Variants in MBNL2 observed in about 807,000 individuals in gnomAD.
MBNL2 encodes the protein muscleblind like splicing regulator 2, also known as muscleblind-like protein 2.
MBNL2 carries 17 observed loss-of-function variants against 41.9 expected under a neutral mutation model. The ratio of observed to expected loss-of-function variants is 0.41; its 90% CI spans 0.28 to 0.61. The LOEUF (loss-of-function observed/expected upper bound fraction) is 0.61. Among genes scored for constraint, MBNL2 ranks in the 20% least tolerant of loss-of-function variants. MBNL2 has a pLI of 0.35. For missense variants in MBNL2, 336 were observed against 505.6 expected (o/e 0.66, Z 3.22); for synonymous variants, 195 against 182.9 (o/e 1.07, Z -0.53).
chr13:97,256,396 G>A (rs1208456268), intron 1 of MBNL2, among the ~76,000 whole-genome samples: 1 of 151,770 alleles, frequency 6.6e-6, no homozygotes, highest in African/African-American at 2.4e-5. Flanking sequence ...GAAGCTGGGT[G>A]GAACCTTGGA....
intron 3 of MBNL2, among the ~76,000 whole-genome samples, chr13:97,336,281 T>TA (rs1346230300): frequency 6.6e-6 from 1 of 152,108 alleles, no homozygotes; most frequent in Non-Finnish European, 1.5e-5. Flanking sequence ...GTGACATGTT[T>TA]AAAAATTACC....
chr13:97,283,721 T>C (rs2053873823), intron 2 of MBNL2, among the ~76,000 whole-genome samples: 1 of 152,174 alleles, frequency 6.6e-6, no homozygotes, highest in East Asian at 1.9e-4. Flanking sequence ...CTGAGGATCA[T>C]TAAAAAAATC....
chr13:97,249,231 G>A (rs1407976421), intron 1 of MBNL2, among the ~76,000 whole-genome samples: 1 of 152,168 alleles, frequency 6.6e-6, no homozygotes, highest in African/African-American at 2.4e-5. Context: ...CAACTTGCTT[G>A]CATTTTAAGA....
At position 97,373,465 on chromosome 13, in the gene MBNL2, T is replaced by TA. The variant is rs550244280; in HGVS notation, c.1048+8307dup. Among the ~76,000 whole-genome samples, 481 of 140,502 alleles carry TA rather than the reference T, an allele frequency of 3.4e-3. 3 individuals are homozygous for TA. The highest frequency in any genetic ancestry group is 0.012 in the East Asian group (61 of 4,950). The allele number at this position is 140,502 out of a possible 152,430, so 92.2% of individuals were successfully genotyped here. A position where few individuals can be genotyped will look rare whatever the true frequency, so the allele number is the denominator to read the frequency against. ...TTGAAACCTGCACAATTTCTTTGTG[T>TA]AAAAAAAAAAAAACTATAAAAATTG... On this transcript the variant is annotated intron_variant, in intron 8 of 8. Transcript: ENST00000679496.
chr13:97,225,303 C>T (rs978431158), intron 1 of MBNL2, among the ~76,000 whole-genome samples: 6 of 152,114 alleles, frequency 3.9e-5, no homozygotes, highest in African/African-American at 1.4e-4. Flanking sequence ...TGCATTTTCT[C>T]TTCCTTTTTT....
chr13:97,355,021 A>T (rs1215752322), intron 5 of MBNL2, among the ~76,000 whole-genome samples: 1 of 152,232 alleles, frequency 6.6e-6, no homozygotes, highest in Non-Finnish European at 1.5e-5. Context: ...CTACTTAACA[A>T]TGCAAAGCTG....
chr13:97,194,541 G>A, the MBNL2 span, among the ~76,000 whole-genome samples: 1 of 152,158 alleles, frequency 6.6e-6, no homozygotes, highest in Non-Finnish European at 1.5e-5. Context: ...TCTTGAATAA[G>A]GGCAGGGTAA....
intron 1 of MBNL2, among the ~76,000 whole-genome samples, chr13:97,260,599 G>A (rs1411140863): frequency 6.6e-6 from 1 of 152,218 alleles, no homozygotes; most frequent in Non-Finnish European, 1.5e-5. Flanking sequence ...TAGGAATGTG[G>A]ATCCAGAGGC....
At chr13:97,259,530 A>T (rs376495134) in intron 1 of MBNL2, among the ~76,000 whole-genome samples, 1 of 152,102 alleles carries the variant, frequency 6.6e-6, no homozygotes, top group African/African-American at 2.4e-5. Context: ...GGCTCCATGC[A>T]TGTCCCCCTT....
chr13:97,236,383 G>A (rs1275211355), intron 1 of MBNL2, among the ~76,000 whole-genome samples: 1 of 152,032 alleles, frequency 6.6e-6, no homozygotes, highest in Non-Finnish European at 1.5e-5. Context: ...TGGGGTTGGG[G>A]GTGGTATCTG....
intron 2 of MBNL2, among the ~76,000 whole-genome samples, chr13:97,328,704 G>A (rs9582126): frequency 0.17 from 25,967 of 152,178 alleles, 4,684 homozygotes; most frequent in African/African-American, 0.46. Flanking sequence ...ATTGTAGATC[G>A]TAGAAATCCA....
chr13:97,328,545 G>T (rs2060106949), intron 2 of MBNL2, among the ~76,000 whole-genome samples: 1 of 152,214 alleles, frequency 6.6e-6, no homozygotes, highest in African/African-American at 2.4e-5. Context: ...GCAAAATTCA[G>T]AAAATCAGGT....
At chr13:97,187,337 T>A in the MBNL2 span, among the ~76,000 whole-genome samples, 1 of 152,000 alleles carries the variant, frequency 6.6e-6, no homozygotes, top group African/African-American at 2.4e-5. Flanking sequence ...TTAGTCCCTG[T>A]TCACATTTCC....
chr13:97,391,116 A>G (rs1407552602), intron 8 of MBNL2, among the ~76,000 whole-genome samples: 2 of 152,210 alleles, frequency 1.3e-5, no homozygotes, highest in Non-Finnish European at 2.9e-5. Flanking sequence ...ATCTTTCTTT[A>G]TAGTGGCCAC....
At chr13:97,185,116 T>A in the MBNL2 span, among the ~76,000 whole-genome samples, 1 of 152,202 alleles carries the variant, frequency 6.6e-6, no homozygotes, top group Non-Finnish European at 1.5e-5. Flanking sequence ...AGAGTGTTCA[T>A]ACCTTAAGTT....
chr13:97,300,533 C>T (rs1276301755), intron 2 of MBNL2, among the ~76,000 whole-genome samples: 1 of 152,184 alleles, frequency 6.6e-6, no homozygotes, highest in Non-Finnish European at 1.5e-5. Flanking sequence ...TCTAATGGCT[C>T]TGCTGATCTG....
chr13:97,240,808 C>A (rs1406463374), intron 1 of MBNL2, among the ~76,000 whole-genome samples: 3 of 152,120 alleles, frequency 2.0e-5, no homozygotes, highest in Non-Finnish European at 4.4e-5. Context: ...TGGAAAGTTT[C>A]ATGTAGTGCA....
rs545832979 is a variant in MBNL2 at position 97,374,899 on chromosome 13, A to G, written c.1048+9728A>G. Among the ~76,000 whole-genome samples, 6 of 152,314 alleles carry G rather than the reference A, an allele frequency of 3.9e-5. No homozygotes were observed. The South Asian group carries it at 1.2e-3, about 32-fold the overall frequency. ...ATTTGTAAGGAAAGAGAGACTAGCTACAGTGAAGGAATTCAGGTCCATTTT... is the reference window on the plus strand; with the variant it reads ...ATTTGTAAGGAAAGAGAGACTAGCTGCAGTGAAGGAATTCAGGTCCATTTT... On this transcript the variant is annotated intron_variant, in intron 8 of 8. Coordinates refer to ENST00000679496, the MANE Select transcript of MBNL2 (RefSeq NM_001382683.1).
At chr13:97,162,149 C>A in the MBNL2 span, among the ~76,000 whole-genome samples, 1 of 152,136 alleles carries the variant, frequency 6.6e-6, no homozygotes, top group Non-Finnish European at 1.5e-5. Context: ...ATAACTCACT[C>A]ACTCTCACGA....
Sources: allele counts gnomAD v4.1 joint callset (sites outside exome capture counted in the v4.1 genomes callset), GRCh38; gene constraint gnomAD v4.1.1; transcripts MANE v1.5; gene names NCBI Gene and HGNC (gene_info 2026-07-23, HGNC 2026-07-21).